The following RALGAPA1 variants were observed in gnomAD, a reference collection of about 807,000 sequenced individuals.
RALGAPA1 encodes the protein Ral GTPase activating protein catalytic subunit alpha 1.
A neutral mutation model predicts 269.6 loss-of-function variants in RALGAPA1; 52 were observed. That is an observed-to-expected ratio of 0.19 (90% CI 0.15 to 0.24). The LOEUF is 0.24. RALGAPA1 is among the 10% of genes least tolerant of loss of function. The pLI, the probability that RALGAPA1 is intolerant of heterozygous loss-of-function variation, is 1.00. For synonymous variants in RALGAPA1, 817 were observed against 1,008.3 expected (o/e 0.81, Z 3.60); for missense variants, 1,917 against 3,013.9 (o/e 0.64, Z 8.52).
intron 5 of RALGAPA1, 54 bp downstream of exon 5, chr14:35,762,656 G>A (rs2073824107): frequency 2.1e-6 from 2 of 955,664 alleles, no homozygotes; most frequent in Non-Finnish European, 3.4e-6. Flanking sequence ...TAACAGGTGG[G>A]ATGTATGTTC....
chr14:35,605,479 A>T (rs1403290997), intron 36 of RALGAPA1, 107 bp downstream of exon 36: 2 of 1,176,708 alleles, frequency 1.7e-6, no homozygotes, highest in African/African-American at 3.2e-5. Flanking sequence ...CTAGTTGTTA[A>T]GTTGTTGTAT....
rs115451160 is a variant in RALGAPA1 at position 35,591,684 on chromosome 14, C to T, written c.7209+3950G>A. Among the ~76,000 whole-genome samples the T allele has an allele frequency of 1.4e-3, 206 of 152,258 alleles. 4 individuals are homozygous for T. The highest frequency in any genetic ancestry group is 4.7e-3 in the African/African-American group (194 of 41,550). On this transcript the variant is annotated intron_variant, in intron 37 of 41. Coordinates refer to ENST00000680220, the MANE Select transcript of RALGAPA1 (RefSeq NM_001346249.2). ...TAAACATTGTATCAGAGTCCATGTA[C>T]TAAGGGCCTTGAAATATAATTTTAC...
intron 35 of RALGAPA1, among the ~76,000 whole-genome samples, chr14:35,617,110 G>A (rs917444767): frequency 6.6e-6 from 1 of 152,212 alleles, no homozygotes; most frequent in African/African-American, 2.4e-5. Context: ...CATAGTCTGG[G>A]AAGGAAGGTG....
At chr14:35,678,708 C>G (rs1162594861) in intron 21 of RALGAPA1, among the ~76,000 whole-genome samples, 1 of 152,098 alleles carries the variant, frequency 6.6e-6, no homozygotes, top group East Asian at 1.9e-4. Flanking sequence ...ACTTTCTTGC[C>G]TCCCCACAAC....
chr14:35,607,024 A>G (rs1213559243), intron 35 of RALGAPA1, among the ~76,000 whole-genome samples: 3 of 152,210 alleles, frequency 2.0e-5, no homozygotes, highest in Non-Finnish European at 4.4e-5. Context: ...GGGGTTGGGT[A>G]GACTTCCAAA....
chr14:35,750,795 G>T, intron 8 of RALGAPA1, 105 bp from the exon 9 acceptor site: 1 of 960,332 alleles, frequency 1.0e-6, no homozygotes, highest in Non-Finnish European at 1.5e-6. Context: ...TGCTACTCTG[G>T]TTTCAGAAGT....
chr14:35,541,270 C>T (rs1473916900), intron 41 of RALGAPA1, among the ~76,000 whole-genome samples: 1 of 151,954 alleles, frequency 6.6e-6, no homozygotes, highest in Non-Finnish European at 1.5e-5. Context: ...TGGTCTCAAT[C>T]TCCTGATCTC....
At chr14:35,595,157 G>T (rs186512337) in intron 37 of RALGAPA1, among the ~76,000 whole-genome samples, 3 of 151,546 alleles carry the variant, frequency 2.0e-5, no homozygotes, top group Admixed American at 1.3e-4. Context: ...GGTGGAGTGG[G>T]GTATGAAATT....
chr14:35,547,828 T>C (rs2054586136), intron 41 of RALGAPA1, among the ~76,000 whole-genome samples: 1 of 152,068 alleles, frequency 6.6e-6, no homozygotes, highest in African/African-American at 2.4e-5. Flanking sequence ...AAATTTTTTG[T>C]AAAATTATTT....
intron 31 of RALGAPA1, among the ~76,000 whole-genome samples, chr14:35,650,093 C>T (rs181710604): frequency 2.0e-5 from 3 of 152,194 alleles, no homozygotes; most frequent in Non-Finnish European, 4.4e-5. Context: ...AAATGGAGGC[C>T]GGATGAGGTA....
intron 35 of RALGAPA1, among the ~76,000 whole-genome samples, chr14:35,612,687 C>T (rs757615835): frequency 1.4e-4 from 21 of 151,764 alleles, no homozygotes; most frequent in African/African-American, 4.1e-4. Flanking sequence ...TACAGGCGCC[C>T]GCCACCACGC....
chr14:35,570,771 TA>T (rs762923761), intron 38 of RALGAPA1, 27 bp from the exon 39 acceptor site: 3 of 1,571,840 alleles, frequency 1.9e-6, no homozygotes, highest in Non-Finnish European at 8.6e-7. Flanking sequence ...AACATAATTT[TA>T]CATTCAAATT....
chr14:35,620,658 G>T lies in RALGAPA1; in HGVS notation c.6929+4703C>A, dbSNP rs139355336. The stretch of plus-strand genomic sequence containing the variant: ...CTCCTTAAGCTGACAAGCAACTTCG[G>T]CAAAGTCTCAGGATACAAAATCAAT... On this transcript the variant is annotated intron_variant, in intron 35 of 41. Coordinates refer to ENST00000680220, the MANE Select transcript of RALGAPA1 (RefSeq NM_001346249.2). 3.3e-4 allele frequency among the ~76,000 whole-genome samples: 50 copies of T among 152,256 alleles called. 1 individual carries two copies. The highest frequency in any genetic ancestry group is 3.4e-3 in the Middle Eastern group (1 of 294).
Position 35,750,625 on chromosome 14 carries a change from C to T in RALGAPA1, c.868G>A (p.Ala290Thr), listed in dbSNP as rs2072592080. The stretch of plus-strand genomic sequence containing the variant: ...AAAGGCTCCTTTGTACAATAGATTG[C>T]TTCATTGGTTTCAGCATCTTTCTTT... ...VIKKDAETNEAIYCTKEPFIK... is the reference protein window; with the variant it reads ...VIKKDAETNETIYCTKEPFIK... The change falls in exon 9 of 42, where the codon GCA becomes ACA. Residue 290 changes from alanine to threonine, a missense_variant. Transcript: ENST00000680220. 4 of 1,613,290 alleles carry T rather than the reference C, an allele frequency of 2.5e-6. No homozygotes were observed. Among genetic ancestry groups the T allele is most frequent in the Non-Finnish European group, 3.4e-6 (4 of 1,179,506 alleles).
intron 39 of RALGAPA1, among the ~76,000 whole-genome samples, chr14:35,563,901 T>C (rs964557237): frequency 3.3e-5 from 5 of 152,150 alleles, no homozygotes; most frequent in Admixed American, 1.3e-4. Context: ...AACCTCTGCC[T>C]CCCAGGTTCA....
At chr14:35,676,854 A>G (rs1323898092) in intron 22 of RALGAPA1, 1 of 152,250 alleles carries the variant, frequency 6.6e-6, no homozygotes, top group African/African-American at 2.4e-5. Flanking sequence ...TGATGAATTT[A>G]TATAAAGGGT....
At chr14:35,686,425 G>T in intron 19 of RALGAPA1, 117 bp downstream of exon 19, 1 of 750,744 alleles carries the variant, frequency 1.3e-6, no homozygotes, top group South Asian at 4.5e-5. Flanking sequence ...ATATTTTGAG[G>T]AAAGGTTATT....
intron 34 of RALGAPA1, 151 bp from the exon 35 acceptor site, chr14:35,625,583 T>C (rs941794282): frequency 1.8e-5 from 9 of 493,156 alleles, no homozygotes; most frequent in African/African-American, 3.9e-5. Flanking sequence ...CTAAAAAAAA[T>C]GTAAAGAATA....
intron 40 of RALGAPA1, 110 bp from the exon 41 acceptor site, chr14:35,548,648 A>G: frequency 1.4e-6 from 1 of 703,550 alleles, no homozygotes; most frequent in Non-Finnish European, 2.4e-6. Context: ...TAATCATAAA[A>G]TGCAGTACCC....
Sources: gnomAD v4.1 joint callset for allele counts (sites outside exome capture counted in the v4.1 genomes callset) on GRCh38, gnomAD v4.1.1 for gene constraint, MANE v1.5 for transcripts, NCBI Gene and HGNC (gene_info 2026-07-23, HGNC 2026-07-21) for gene names.